Variants in GAS2 observed in about 807,000 individuals in gnomAD.
The protein encoded by GAS2 is growth arrest-specific protein 2.
In GAS2, 20 loss-of-function variants were observed where a neutral mutation model predicts 37.5. The observed-to-expected ratio is 0.53, with a 90% confidence interval of 0.37 to 0.77. GAS2 has a LOEUF of 0.77. Ranked by LOEUF, GAS2 falls within the 30% of genes least tolerant of loss-of-function variation. The probability of loss-of-function intolerance (pLI) is 0.00; values close to 1 mark genes in which losing one functional copy is unlikely to be tolerated. For missense variants in GAS2, 336 were observed against 373.4 expected, an observed-to-expected ratio of 0.90 and a Z score of 0.82; for synonymous variants, 144 against 132.2, an observed-to-expected ratio of 1.09 and a Z score of -0.61.
chr11:22,647,800 T>C (rs867952051), intron 1 of GAS2, among the ~76,000 whole-genome samples: 5 of 152,136 alleles, frequency 3.3e-5, no homozygotes, highest in Non-Finnish European at 5.9e-5. Flanking sequence ...TTTGTTTGAG[T>C]TCATTGTAGA....
intron 7 of GAS2, among the ~76,000 whole-genome samples, chr11:22,782,154 T>C (rs973023293): frequency 6.6e-6 from 1 of 152,176 alleles, no homozygotes; most frequent in African/African-American, 2.4e-5. Context: ...TTTGTCACTT[T>C]GAGTAAGTTA....
intron 1 of GAS2, among the ~76,000 whole-genome samples, chr11:22,653,541 T>C (rs750416222): frequency 1.3e-5 from 2 of 152,222 alleles, no homozygotes; most frequent in African/African-American, 2.4e-5. Context: ...GATGAAAATA[T>C]AATGTGAGCA....
intron 1 of GAS2, among the ~76,000 whole-genome samples, chr11:22,650,793 A>G (rs2133830965): frequency 6.6e-6 from 1 of 151,902 alleles, no homozygotes; most frequent in East Asian, 1.9e-4. Flanking sequence ...CCATCCTTTT[A>G]TTTTGAGCCT....
At chr11:22,723,649 A>G (rs761333601) in intron 3 of GAS2, among the ~76,000 whole-genome samples, 44 of 151,920 alleles carry the variant, frequency 2.9e-4, no homozygotes, top group Non-Finnish European at 5.2e-4. Context: ...TAGTTCCTAG[A>G]TTATAGTTTT....
rs149906649 is a variant in GAS2, at chr11:22,634,448, C to G, written c.-21+8635C>G. ...GGCTAGCTGACAGTTGGAGTAGAGG[C>G]ACAAACTTTCTCCACTGAGCCCCAC... On this transcript the variant is annotated intron_variant, in intron 1 of 5. Coordinates refer to the GAS2 transcript ENST00000528582. Among the ~76,000 whole-genome samples the G allele has an allele frequency of 6.4e-3, 971 of 152,246 alleles. 3 individuals carry two copies. The highest frequency in any genetic ancestry group is 0.011 in the Non-Finnish European group (717 of 68,008).
chr11:22,739,430 C>T (rs1403289353), intron 5 of GAS2, among the ~76,000 whole-genome samples: 3 of 151,460 alleles, frequency 2.0e-5, no homozygotes, highest in African/African-American at 7.3e-5. Flanking sequence ...AAAAATTAGC[C>T]GGGTGTGGTG....
intron 7 of GAS2, among the ~76,000 whole-genome samples, chr11:22,771,519 A>T (rs1225793280): frequency 6.6e-6 from 1 of 152,198 alleles, no homozygotes; most frequent in Non-Finnish European, 1.5e-5. Flanking sequence ...CTTCAGTATG[A>T]TGAAAGTTAG....
chr11:22,658,906 G>T (rs1159367310), intron 1 of GAS2, among the ~76,000 whole-genome samples: 1 of 152,218 alleles, frequency 6.6e-6, no homozygotes, highest in South Asian at 2.1e-4. Flanking sequence ...AAGCCCAATT[G>T]TGGGGATGAG....
chr11:22,755,498 A>T (rs1305675073), intron 6 of GAS2: 1 of 167,392 alleles, frequency 6.0e-6, no homozygotes, highest in Admixed American at 5.9e-5. Context: ...CAATAGGTTG[A>T]CCTTGACAAC....
intron 3 of GAS2, among the ~76,000 whole-genome samples, chr11:22,716,949 A>G (rs1006584174): frequency 6.6e-6 from 1 of 152,198 alleles, no homozygotes; most frequent in Non-Finnish European, 1.5e-5. Flanking sequence ...AAAGAAGTGA[A>G]AGACTTCTAC....
At chr11:22,734,698 A>T (rs554957517) in intron 4 of GAS2, among the ~76,000 whole-genome samples, 2 of 151,916 alleles carry the variant, frequency 1.3e-5, no homozygotes, top group South Asian at 4.1e-4. Context: ...AATCATCACA[A>T]AAATATTATG....
chr11:22,654,878 C>T (rs1002604923), intron 1 of GAS2, among the ~76,000 whole-genome samples: 1 of 152,046 alleles, frequency 6.6e-6, no homozygotes, highest in Non-Finnish European at 1.5e-5. Flanking sequence ...TAACTTGGAG[C>T]TACATACTAG....
At chr11:22,796,041 G>C (rs187988296) in intron 7 of GAS2, among the ~76,000 whole-genome samples, 2 of 152,130 alleles carry the variant, frequency 1.3e-5, no homozygotes, top group South Asian at 2.1e-4. Flanking sequence ...TGAAATTTTC[G>C]CTGTATTTGC....
intron 3 of GAS2, among the ~76,000 whole-genome samples, chr11:22,716,700 T>C (rs1429480813): frequency 6.7e-6 from 1 of 150,328 alleles, no homozygotes; most frequent in Non-Finnish European, 1.5e-5. Context: ...AAAGAGGAAG[T>C]CAAACTGTTG....
upstream of GAS2, among the ~76,000 whole-genome samples, chr11:22,662,324 T>A (rs1848924902): frequency 6.6e-6 from 1 of 152,252 alleles, no homozygotes; most frequent in Non-Finnish European, 1.5e-5. Context: ...TCATTTGTAA[T>A]GTTATTTTAA....
At chr11:22,642,636 C>A (rs1049066983) in intron 1 of GAS2, among the ~76,000 whole-genome samples, 1 of 151,986 alleles carries the variant, frequency 6.6e-6, no homozygotes, top group African/African-American at 2.4e-5. Context: ...TATTTTAAAT[C>A]AGCAATCGAT....
intron 7 of GAS2, among the ~76,000 whole-genome samples, chr11:22,778,797 A>C (rs1302730868): frequency 2.0e-5 from 3 of 152,198 alleles, no homozygotes; most frequent in South Asian, 2.1e-4. Flanking sequence ...GCCATGAAGA[A>C]TGTTGAAACT....
intron 1 of GAS2, among the ~76,000 whole-genome samples, chr11:22,634,594 A>T (rs1858795342): frequency 6.6e-6 from 1 of 152,020 alleles, no homozygotes; most frequent in Non-Finnish European, 1.5e-5. Context: ...GTATATTCCC[A>T]CTTCCCCTAG....
At chr11:22,678,952 C>T (rs559357698) in intron 2 of GAS2, among the ~76,000 whole-genome samples, 1 of 151,990 alleles carries the variant, frequency 6.6e-6, no homozygotes, top group Admixed American at 6.6e-5. Flanking sequence ...CAACTGCAAA[C>T]TTTTATGCTA....
Sources: gnomAD v4.1 joint callset for allele counts (sites outside exome capture counted in the v4.1 genomes callset) on GRCh38, gnomAD v4.1.1 for gene constraint, MANE v1.5 for transcripts, NCBI Gene and HGNC (gene_info 2026-07-23, HGNC 2026-07-21) for gene names.